Variants in DYNC1I1 observed in about 807,000 individuals in gnomAD.
The protein encoded by DYNC1I1 is dynein cytoplasmic 1 intermediate chain 1.
Under a neutral mutation model 86.6 loss-of-function variants are expected in DYNC1I1, and 43 were observed. The observed-to-expected ratio is 0.50, with a 90% CI of 0.39 to 0.64. The LOEUF is 0.64. Ranked by LOEUF, DYNC1I1 falls within the 30% of genes least tolerant of loss-of-function variation. The pLI, the probability that DYNC1I1 is intolerant of heterozygous loss-of-function variation, is 0.00. For synonymous variants in DYNC1I1, 262 were observed against 283.7 expected, an observed-to-expected ratio of 0.92 and a Z score of 0.77; for missense variants, 604 against 788.8, an observed-to-expected ratio of 0.77 and a Z score of 2.81.
At chr7:95,853,629 C>T (rs1402449519) in intron 5 of DYNC1I1, among the ~76,000 whole-genome samples, 1 of 152,108 alleles carries the variant, frequency 6.6e-6, no homozygotes, top group East Asian at 1.9e-4. Context: ...GAATGTATAT[C>T]CTACAACTGA....
chr7:95,917,542 T>C (rs895654413), intron 6 of DYNC1I1, among the ~76,000 whole-genome samples: 1 of 152,146 alleles, frequency 6.6e-6, no homozygotes, highest in Admixed American at 6.5e-5. Context: ...ACCACTTATA[T>C]AGGTATATTT....
intron 6 of DYNC1I1, among the ~76,000 whole-genome samples, chr7:95,970,867 G>T (rs1251150719): frequency 6.6e-6 from 1 of 152,190 alleles, no homozygotes; most frequent in Non-Finnish European, 1.5e-5. Flanking sequence ...AATAATGGAG[G>T]GGATTCACAA....
chr7:96,010,156 C>T (rs936666501), intron 10 of DYNC1I1, among the ~76,000 whole-genome samples: 2 of 152,074 alleles, frequency 1.3e-5, no homozygotes, highest in Admixed American at 6.5e-5. Flanking sequence ...TCTGTCCCTG[C>T]CCCACTAGGT....
intron 10 of DYNC1I1, among the ~76,000 whole-genome samples, chr7:96,012,309 G>T (rs1794295087): frequency 6.6e-6 from 1 of 152,182 alleles, no homozygotes; most frequent in African/African-American, 2.4e-5. Context: ...TAGGTCTACA[G>T]TATGCTCTGT....
chr7:95,864,166 A>T (rs1302730029), intron 5 of DYNC1I1, among the ~76,000 whole-genome samples: 1 of 152,196 alleles, frequency 6.6e-6, no homozygotes, highest in Non-Finnish European at 1.5e-5. Context: ...TAGCTAGCAA[A>T]GCCATGCTAA....
intron 6 of DYNC1I1, among the ~76,000 whole-genome samples, chr7:95,887,857 A>G (rs941577685): frequency 2.0e-5 from 3 of 152,086 alleles, no homozygotes; most frequent in Non-Finnish European, 4.4e-5. Flanking sequence ...TTTTCAGGAG[A>G]GTTTCCGTAG....
At chr7:95,904,109 G>T (rs1342009178) in intron 6 of DYNC1I1, among the ~76,000 whole-genome samples, 1 of 152,158 alleles carries the variant, frequency 6.6e-6, no homozygotes, top group Admixed American at 6.6e-5. Flanking sequence ...AGTGGGCTTG[G>T]TTAGCCCTTT....
intron 6 of DYNC1I1, among the ~76,000 whole-genome samples, chr7:95,873,357 G>T (rs1409440494): frequency 6.6e-6 from 1 of 152,168 alleles, no homozygotes; most frequent in African/African-American, 2.4e-5. Flanking sequence ...AAGTAGTATA[G>T]CCATTTGAAA....
chr7:96,057,723 A>T (rs1789622399), intron 14 of DYNC1I1, among the ~76,000 whole-genome samples: 2 of 152,100 alleles, frequency 1.3e-5, no homozygotes, highest in African/African-American at 4.8e-5. Flanking sequence ...CATATTTTAC[A>T]TCTATTCTAT....
chr7:95,884,792 AC>A (rs1424622895), intron 6 of DYNC1I1, among the ~76,000 whole-genome samples: 17 of 143,934 alleles, frequency 1.2e-4, no homozygotes, highest in African/African-American at 4.3e-4. Context: ...AAAAAAAAAG[AC>A]AAAAAAAAAA....
At chr7:95,982,110 T>C (rs775169286) in intron 7 of DYNC1I1, among the ~76,000 whole-genome samples, 6 of 152,174 alleles carry the variant, frequency 3.9e-5, no homozygotes, top group East Asian at 1.9e-4. Flanking sequence ...ACAACACTTA[T>C]CAATTTAAAG....
At chr7:95,886,482 C>CA (rs202012017) in intron 6 of DYNC1I1, among the ~76,000 whole-genome samples, 3,606 of 149,518 alleles carry the variant, frequency 0.024, 119 homozygotes, top group African/African-American at 0.077. Flanking sequence ...CCATACTCAC[C>CA]AAAAGAAAAA....
intron 1 of DYNC1I1, among the ~76,000 whole-genome samples, chr7:95,785,393 G>A (rs1794103951): frequency 1.3e-5 from 2 of 152,062 alleles, no homozygotes; most frequent in South Asian, 2.1e-4. Flanking sequence ...CAGCCTGGGC[G>A]ACACAGTGAG....
intron 6 of DYNC1I1, among the ~76,000 whole-genome samples, chr7:95,929,714 T>C (rs1489082928): frequency 6.6e-6 from 1 of 152,210 alleles, no homozygotes; most frequent in Admixed American, 6.5e-5. Context: ...CACTACATCA[T>C]AGATTAGTTA....
intron 1 of DYNC1I1, among the ~76,000 whole-genome samples, chr7:95,775,061 C>T (rs1313504902): frequency 6.6e-6 from 1 of 152,182 alleles, no homozygotes; most frequent in Non-Finnish European, 1.5e-5. Context: ...TTTTAAAATA[C>T]TTTCACAGGT....
At chr7:96,010,899 A>T (rs1794259818) in intron 10 of DYNC1I1, among the ~76,000 whole-genome samples, 1 of 152,240 alleles carries the variant, frequency 6.6e-6, no homozygotes, top group Non-Finnish European at 1.5e-5. Flanking sequence ...AATGTATTTT[A>T]AAATAGTCTT....
At chr7:96,020,061 C>A (rs1794504425) in intron 10 of DYNC1I1, among the ~76,000 whole-genome samples, 2 of 145,984 alleles carry the variant, frequency 1.4e-5, no homozygotes, top group Non-Finnish European at 1.5e-5. Context: ...TTAGATACCT[C>A]ATATCCATTA....
intron 6 of DYNC1I1, among the ~76,000 whole-genome samples, chr7:95,929,042 G>A (rs1481081674): frequency 2.0e-5 from 3 of 152,162 alleles, no homozygotes; most frequent in African/African-American, 7.2e-5. Context: ...AACTGGGTAC[G>A]AGTAAAGTGT....
At chr7:95,954,569 T>C (rs2116489085) in intron 6 of DYNC1I1, among the ~76,000 whole-genome samples, 1 of 152,222 alleles carries the variant, frequency 6.6e-6, no homozygotes, top group South Asian at 2.1e-4. Context: ...CTCAATGACA[T>C]TTCCATTTTT....
Sources: allele counts gnomAD v4.1 joint callset (sites outside exome capture counted in the v4.1 genomes callset), GRCh38; gene constraint gnomAD v4.1.1; transcripts MANE v1.5; gene names NCBI Gene and HGNC (gene_info 2026-07-23, HGNC 2026-07-21).